Variants in RUNDC3B observed in about 807,000 individuals in gnomAD.
The protein encoded by RUNDC3B is RUN domain containing 3B, also known as RUN domain-containing protein 3B.
RUNDC3B carries 33 observed loss-of-function variants against 58.4 expected under a neutral mutation model. The ratio of observed to expected loss-of-function variants is 0.56; its 90% CI spans 0.43 to 0.75. The LOEUF is 0.75. Among genes scored for constraint, RUNDC3B ranks in the 30% least tolerant of loss-of-function variants. RUNDC3B has a pLI of 0.00. For missense variants in RUNDC3B, 501 were observed against 535.7 expected (o/e 0.94, Z 0.64); for synonymous variants, 193 against 195.2 (o/e 0.99, Z 0.10).
chr7:87,739,832 C>A lies in RUNDC3B; in HGVS notation c.500C>A (p.Ala167Glu). The A allele has an allele frequency of 6.3e-7, 1 of 1,598,602 alleles. No homozygotes were observed. The highest frequency in any genetic ancestry group is 8.6e-7 in the Non-Finnish European group (1 of 1,169,044). The change falls in exon 5 of 11, where the codon GCA becomes GAA. Residue 167 changes from alanine to glutamate, a missense_variant. Ala to Glu is a moderately radical substitution (Grantham distance 107). Coordinates refer to ENST00000394654, the MANE Select transcript of RUNDC3B (RefSeq NM_001134405.2). ...EDGAIVLGEEANMLAGMLLGL... is the reference protein window; with the variant it reads ...EDGAIVLGEEENMLAGMLLGL... Reference sequence around the variant, plus strand: ...GGAGCAATTGTCTTGGGTGAAGAAGCAAATATGCTTGCTGGCATGCTTCTA... The same window carrying A: ...GGAGCAATTGTCTTGGGTGAAGAAGAAAATATGCTTGCTGGCATGCTTCTA...
At chr7:87,755,027 CTT>C (rs200129505) in intron 6 of RUNDC3B, among the ~76,000 whole-genome samples, 5 of 136,732 alleles carry the variant, frequency 3.7e-5, no homozygotes, top group Non-Finnish European at 3.2e-5. Flanking sequence ...GATACAATTT[CTT>C]TTTTTTTTTT....
chr7:87,736,854 CCT>C (rs1353613708), intron 4 of RUNDC3B, among the ~76,000 whole-genome samples: 15 of 55,566 alleles, frequency 2.7e-4, no homozygotes, highest in Non-Finnish European at 3.8e-4. Flanking sequence ...TATATATATA[CCT>C]ATATATATAT....
intron 3 of RUNDC3B, among the ~76,000 whole-genome samples, chr7:87,701,788 A>G (rs1046088310): frequency 1.3e-5 from 2 of 152,196 alleles, no homozygotes; most frequent in Non-Finnish European, 2.9e-5. Flanking sequence ...TTACAGATGG[A>G]ATGCAGAAGC....
intron 2 of RUNDC3B, among the ~76,000 whole-genome samples, chr7:87,675,836 A>T (rs951160278): frequency 6.6e-6 from 1 of 152,134 alleles, no homozygotes; most frequent in Non-Finnish European, 1.5e-5. Context: ...AAGCTAATTG[A>T]CATTGTTCTT....
chr7:87,679,558 T>A (rs1047061480), intron 2 of RUNDC3B, among the ~76,000 whole-genome samples: 1 of 149,900 alleles, frequency 6.7e-6, no homozygotes, highest in Non-Finnish European at 1.5e-5. Context: ...CCCAGCTAAT[T>A]TTTTGATTTT....
intron 2 of RUNDC3B, among the ~76,000 whole-genome samples, chr7:87,672,157 CT>C (rs1279268550): frequency 5.3e-5 from 8 of 152,226 alleles, no homozygotes; most frequent in African/African-American, 1.9e-4. Context: ...GAATTCAAAT[CT>C]GTGTTGTCTG....
intron 8 of RUNDC3B, among the ~76,000 whole-genome samples, chr7:87,804,922 G>A (rs1036730987): frequency 6.6e-6 from 1 of 152,112 alleles, no homozygotes; most frequent in African/African-American, 2.4e-5. Context: ...TTACCTTTGA[G>A]TAGGTTTTGA....
chr7:87,712,731 A>G (rs1458943540), intron 4 of RUNDC3B, among the ~76,000 whole-genome samples: 1 of 152,108 alleles, frequency 6.6e-6, no homozygotes, highest in Non-Finnish European at 1.5e-5. Context: ...GCTCTAAAAA[A>G]GTACATGAAG....
intron 1 of RUNDC3B, among the ~76,000 whole-genome samples, chr7:87,636,457 T>A: frequency 6.6e-6 from 1 of 152,194 alleles, no homozygotes; most frequent in East Asian, 1.9e-4. Context: ...TCTTTGTACA[T>A]TCTGTATGGG....
intron 9 of RUNDC3B, among the ~76,000 whole-genome samples, chr7:87,811,636 G>A (rs1015878973): frequency 3.3e-5 from 5 of 152,092 alleles, no homozygotes; most frequent in African/African-American, 4.8e-5. Flanking sequence ...GAGCCACCGC[G>A]CACGGCTGGC....
At chr7:87,729,992 A>C (rs1186440763) in intron 4 of RUNDC3B, among the ~76,000 whole-genome samples, 1 of 152,170 alleles carries the variant, frequency 6.6e-6, no homozygotes, top group East Asian at 1.9e-4. Context: ...AAGGGTACCC[A>C]TTGCCTTGAA....
chr7:87,824,460 A>G (rs920955494), intron 10 of RUNDC3B, among the ~76,000 whole-genome samples: 4 of 151,992 alleles, frequency 2.6e-5, no homozygotes, highest in African/African-American at 9.7e-5. Flanking sequence ...TGAGTCCATT[A>G]AACCTCTTTT....
chr7:87,732,686 A>G (rs1257367641), intron 4 of RUNDC3B, among the ~76,000 whole-genome samples: 3 of 152,160 alleles, frequency 2.0e-5, no homozygotes, highest in African/African-American at 7.2e-5. Flanking sequence ...AATGCACTAG[A>G]TATACCAGCA....
At chr7:87,710,702 C>A (rs779058100) in intron 4 of RUNDC3B, 47 bp downstream of exon 4, 1 of 1,035,802 alleles carries the variant, frequency 9.7e-7, no homozygotes, top group Admixed American at 2.2e-5. Flanking sequence ...AAAGAATCAC[C>A]TGAAGACTCA....
intron 1 of RUNDC3B, among the ~76,000 whole-genome samples, chr7:87,635,967 A>G (rs919322398): frequency 2.6e-5 from 4 of 152,180 alleles, no homozygotes; most frequent in Non-Finnish European, 5.9e-5. Context: ...CATTGGATGA[A>G]TATACCACAA....
At chr7:87,732,850 TAC>T (rs1429594270) in intron 4 of RUNDC3B, among the ~76,000 whole-genome samples, 1 of 152,196 alleles carries the variant, frequency 6.6e-6, no homozygotes, top group Non-Finnish European at 1.5e-5. Context: ...AAGTACAGTA[TAC>T]AGAGATAAGA....
chr7:87,801,476 G>A (rs564028000), intron 8 of RUNDC3B, among the ~76,000 whole-genome samples: 8 of 152,072 alleles, frequency 5.3e-5, no homozygotes, highest in Admixed American at 2.0e-4. Context: ...TTAATATTCC[G>A]ATTGGGCGTG....
In RUNDC3B at chr7:87,825,669, G is replaced by A. The variant is rs28862371; in HGVS notation, c.1226-4216G>A. The stretch of plus-strand genomic sequence containing the variant: ...CACCCAGAAAAGCCACAGACACTTA[G>A]CACCAGCCTGTGAAGGCAGCCGGAA... On this transcript the variant is annotated intron_variant, in intron 10 of 10. Coordinates refer to ENST00000394654, the MANE Select transcript of RUNDC3B (RefSeq NM_001134405.2). 6.6e-3 allele frequency among the ~76,000 whole-genome samples: 1,007 copies of A among 152,292 alleles called. 11 individuals carry two copies. Among genetic ancestry groups the A allele is most frequent in the African/African-American group, 0.023 (966 of 41,562 alleles).
At chr7:87,667,842 A>C (rs566891082) in intron 2 of RUNDC3B, among the ~76,000 whole-genome samples, 2 of 152,178 alleles carry the variant, frequency 1.3e-5, no homozygotes, top group African/African-American at 2.4e-5. Context: ...AGCCTACTCA[A>C]TCTTGATGGA....
Sources: gnomAD v4.1 joint callset for allele counts (sites outside exome capture counted in the v4.1 genomes callset) on GRCh38, gnomAD v4.1.1 for gene constraint, MANE v1.5 for transcripts, NCBI Gene and HGNC (gene_info 2026-07-23, HGNC 2026-07-21) for gene names.